Variants in SKAP2 observed in about 807,000 individuals in gnomAD.
SKAP2 encodes src kinase associated phosphoprotein 2, also known as src kinase-associated phosphoprotein 2.
In SKAP2, 28 loss-of-function variants were observed where a neutral mutation model predicts 54.9. The observed-to-expected ratio is 0.51, with a 90% confidence interval of 0.38 to 0.70. SKAP2 has a LOEUF of 0.70. SKAP2 is among the 30% of genes least tolerant of loss of function. The pLI is 0.00. For synonymous variants in SKAP2, 137 were observed against 134.3 expected, an observed-to-expected ratio of 1.02 and a Z score of -0.14; for missense variants, 356 against 424.1, an observed-to-expected ratio of 0.84 and a Z score of 1.41.
At chr7:26,729,663 A>G (rs987611933) in intron 6 of SKAP2, among the ~76,000 whole-genome samples, 1 of 152,118 alleles carries the variant, frequency 6.6e-6, no homozygotes, top group Admixed American at 6.6e-5. Context: ...ATCAGATCAG[A>G]TATACCTTGA....
chr7:26,849,608 C>T (rs887310399), intron 3 of SKAP2, among the ~76,000 whole-genome samples: 1 of 151,012 alleles, frequency 6.6e-6, no homozygotes. Flanking sequence ...TCGCTTGAAC[C>T]CAGGAGGTAG....
Position 26,738,746 on chromosome 7 carries a change from C to T in SKAP2, c.469+49G>A, listed in dbSNP as rs770106241. 19 of 1,094,210 alleles carry T rather than the reference C, an allele frequency of 1.7e-5. No homozygotes were observed. The East Asian group carries it at 4.0e-4, about 23-fold the overall frequency. 67.8% of individuals were successfully genotyped at this position (1,094,210 alleles called of 1,614,324 possible). ...ACTCAAAAGAGGGGGAAGGGATGGCCAAAAATTCTTTTGCAATAGTAGTTG... is the reference window on the plus strand; with the variant it reads ...ACTCAAAAGAGGGGGAAGGGATGGCTAAAAATTCTTTTGCAATAGTAGTTG... On this transcript the variant is annotated intron_variant, in intron 6 of 12. Coordinates refer to ENST00000345317, the MANE Select transcript of SKAP2 (RefSeq NM_003930.5).
At chr7:26,796,097 A>G (rs1303602899) in intron 4 of SKAP2, among the ~76,000 whole-genome samples, 1 of 152,244 alleles carries the variant, frequency 6.6e-6, no homozygotes, top group Non-Finnish European at 1.5e-5. Flanking sequence ...TACCACCATA[A>G]AACATACAAA....
chr7:26,672,550 A>G (rs1034016229), intron 11 of SKAP2, among the ~76,000 whole-genome samples: 1 of 152,078 alleles, frequency 6.6e-6, no homozygotes, highest in Non-Finnish European at 1.5e-5. Flanking sequence ...ACACTTGATA[A>G]AAATACTCTA....
At chr7:26,842,665 A>C (rs1443119558) in intron 4 of SKAP2, among the ~76,000 whole-genome samples, 1 of 145,252 alleles carries the variant, frequency 6.9e-6, no homozygotes, top group Non-Finnish European at 1.6e-5. Context: ...ATATATACCA[A>C]CATTTTACAG....
In SKAP2 at chr7:26,766,550, G is replaced by C. The variant is rs113131087; in HGVS notation, c.308-26586C>G. ...AAAGAGGGCATCCTTGTCTTGAGCC[G>C]GTTTTCAAAGGGAATGCTTCCAGCT... On this transcript the variant is annotated intron_variant, in intron 4 of 12. Coordinates refer to ENST00000345317, the MANE Select transcript of SKAP2 (RefSeq NM_003930.5). Among the ~76,000 whole-genome samples, 6 of 152,246 alleles carry C rather than the reference G, an allele frequency of 3.9e-5. 1 individual carries two copies. The highest frequency in any genetic ancestry group is 1.4e-4 in the African/African-American group (6 of 41,556).
At chr7:26,815,001 A>G (rs1784235872) in intron 4 of SKAP2, among the ~76,000 whole-genome samples, 1 of 152,162 alleles carries the variant, frequency 6.6e-6, no homozygotes, top group Non-Finnish European at 1.5e-5. Context: ...ACTGAAACTC[A>G]GAACTACCTT....
At chr7:26,779,501 C>A (rs1156909845) in intron 4 of SKAP2, among the ~76,000 whole-genome samples, 1 of 151,952 alleles carries the variant, frequency 6.6e-6, no homozygotes, top group Non-Finnish European at 1.5e-5. Flanking sequence ...ATATCTAAGA[C>A]AGAAATGGAA....
intron 6 of SKAP2, among the ~76,000 whole-genome samples, chr7:26,735,920 G>A (rs956369324): frequency 2.0e-5 from 3 of 151,784 alleles, no homozygotes; most frequent in Non-Finnish European, 2.9e-5. Flanking sequence ...AATTTCGAAT[G>A]AAACCGCCAA....
chr7:26,725,643 C>T, intron 8 of SKAP2, 78 bp from the exon 9 acceptor site: 2 of 1,296,348 alleles, frequency 1.5e-6, no homozygotes, highest in East Asian at 2.5e-5. Context: ...TAAATAAATG[C>T]AGCCCTACAA....
At chr7:26,832,675 A>C (rs1784619581) in intron 4 of SKAP2, among the ~76,000 whole-genome samples, 1 of 152,156 alleles carries the variant, frequency 6.6e-6, no homozygotes. Context: ...AGAAAGCTTT[A>C]ATAAAACTGG....
intron 4 of SKAP2, among the ~76,000 whole-genome samples, chr7:26,757,709 A>G (rs191846101): frequency 2.1e-3 from 320 of 152,290 alleles, no homozygotes; most frequent in Middle Eastern, 0.01. Context: ...AATTCTGTGA[A>G]GAAAGTCATT....
At position 26,683,629 on chromosome 7, in the gene SKAP2, C is replaced by A. The variant is rs542473771; in HGVS notation, c.987+1107G>T. ...CTGGTCTGGGAGTCAAGACACAGCT[C>A]AAATCATGACTCTGGCATTTTCTTG... is the stretch of plus-strand genomic sequence containing the variant. On this transcript the variant is annotated intron_variant, in intron 11 of 12. Transcript: ENST00000345317. Among the ~76,000 whole-genome samples, 6 of 152,204 alleles carry A rather than the reference C, an allele frequency of 3.9e-5. No individual in the cohort carries two copies. The South Asian group carries it at 1.2e-3, about 32-fold the overall frequency.
In SKAP2 at chr7:26,670,178, A is replaced by G. The variant is rs148036626; in HGVS notation, c.1002T>C (p.Tyr334=). ...CCTTCATTTCTCCTACCCACCAGCCATATCTATTGTATTCCTAATTGAAAA... is the reference window on the plus strand; with the variant it reads ...CCTTCATTTCTCCTACCCACCAGCCGTATCTATTGTATTCCTAATTGAAAA... The part of the protein sequence containing the change: ...IYILSKEYNR[Y]GWWVGEMKGA... Residue 334 remains tyrosine, a synonymous_variant, in exon 12 of 13, where the codon TAT becomes TAC. Transcript: ENST00000345317. 1.9e-6 allele frequency: 3 copies of G among 1,542,416 alleles called. No individual in the cohort carries two copies. The highest frequency in any genetic ancestry group is 2.7e-6 in the Non-Finnish European group (3 of 1,114,960).
intron 3 of SKAP2, among the ~76,000 whole-genome samples, chr7:26,847,330 C>T (rs1784944489): frequency 6.6e-6 from 1 of 151,994 alleles, no homozygotes; most frequent in Admixed American, 6.6e-5. Flanking sequence ...CAGTGATGGT[C>T]CATCCCTTTT....
chr7:26,812,688 T>C (rs1456959362), intron 4 of SKAP2, among the ~76,000 whole-genome samples: 1 of 152,168 alleles, frequency 6.6e-6, no homozygotes, highest in Non-Finnish European at 1.5e-5. Flanking sequence ...GTATAATAGG[T>C]ATGTTAAAAA....
intron 4 of SKAP2, among the ~76,000 whole-genome samples, chr7:26,785,276 TCCTGGGTTCACAC>T (rs1783518856): frequency 6.6e-6 from 1 of 152,070 alleles, no homozygotes; most frequent in South Asian, 2.1e-4. Flanking sequence ...AAGCTCCACC[TCCTGGGTTCACAC>T]CATTCTCCTG....
intron 4 of SKAP2, among the ~76,000 whole-genome samples, chr7:26,782,472 G>A (rs1349208057): frequency 6.6e-6 from 1 of 152,140 alleles, no homozygotes; most frequent in Non-Finnish European, 1.5e-5. Flanking sequence ...GTCTAAATAT[G>A]TGTCCCCCCC....
intron 4 of SKAP2, chr7:26,746,617 T>C (rs921312776): frequency 1.1e-4 from 8 of 72,022 alleles, no homozygotes; most frequent in African/African-American, 1.0e-3. Context: ...GTTCCATACC[T>C]TTTTTTTTTT....
Sources: allele counts gnomAD v4.1 joint callset (sites outside exome capture counted in the v4.1 genomes callset), GRCh38; gene constraint gnomAD v4.1.1; transcripts MANE v1.5; gene names NCBI Gene and HGNC (gene_info 2026-07-23, HGNC 2026-07-21).